GRB10: variants seen among roughly 807,000 people sequenced by gnomAD.
The protein encoded by GRB10 is growth factor receptor bound protein 10.
In GRB10, 20 loss-of-function variants were observed where a neutral mutation model predicts 80.9. That is an observed-to-expected ratio of 0.25 (90% CI 0.17 to 0.36). GRB10 has a LOEUF of 0.36. Ranked by LOEUF, GRB10 falls within the 10% of genes least tolerant of loss-of-function variation. GRB10 has a pLI of 1.00. For synonymous variants in GRB10, 291 were observed against 291.5 expected (o/e 1.00, Z 0.02); for missense variants, 548 against 747.7 (o/e 0.73, Z 3.12).
chr7:50,625,016 C>T (rs1166083514), intron 8 of GRB10, among the ~76,000 whole-genome samples: 1 of 152,046 alleles, frequency 6.6e-6, no homozygotes, highest in Non-Finnish European at 1.5e-5. Context: ...ATATCACAAC[C>T]CTACAAATCC....
chr7:50,746,975 T>C (rs1361237931), intron 3 of GRB10, among the ~76,000 whole-genome samples: 1 of 152,202 alleles, frequency 6.6e-6, no homozygotes, highest in Non-Finnish European at 1.5e-5. Flanking sequence ...CTCTTAAGCA[T>C]GTCCTCCTCT....
intron 4 of GRB10, among the ~76,000 whole-genome samples, chr7:50,716,324 C>A (rs1281520373): frequency 6.6e-6 from 1 of 152,158 alleles, no homozygotes; most frequent in Non-Finnish European, 1.5e-5. Context: ...TCAAAAGGGT[C>A]AAACTATTTC....
intron 2 of GRB10, among the ~76,000 whole-genome samples, chr7:50,762,208 C>T (rs2153705636): frequency 6.6e-6 from 1 of 151,526 alleles, no homozygotes; most frequent in African/African-American, 2.4e-5. Flanking sequence ...AACTACAAAC[C>T]CTCCCCAGCC....
chr7:50,704,751 C>G (rs922342086), intron 4 of GRB10, among the ~76,000 whole-genome samples: 1 of 152,222 alleles, frequency 6.6e-6, no homozygotes, highest in Non-Finnish European at 1.5e-5. Flanking sequence ...AACTGAAGCA[C>G]GTGAAACATC....
chr7:50,774,662 C>T (rs1470293368), intron 2 of GRB10, among the ~76,000 whole-genome samples: 1 of 152,138 alleles, frequency 6.6e-6, no homozygotes, highest in Non-Finnish European at 1.5e-5. Flanking sequence ...TAAGGAGACA[C>T]AAACATTCAA....
chr7:50,712,077 CACAAGGCTGA>C (rs1173677642), intron 4 of GRB10, among the ~76,000 whole-genome samples: 55 of 151,882 alleles, frequency 3.6e-4, no homozygotes, highest in Middle Eastern at 3.2e-3. Flanking sequence ...GCAGAAACTC[CACAAGGCTGA>C]AAAAGGCTGA....
chr7:50,724,218 A>G lies in GRB10; in HGVS notation c.51+8054T>C, dbSNP rs116277823. Among the ~76,000 whole-genome samples, 1,513 of 152,338 alleles carry G rather than the reference A, an allele frequency of 9.9e-3. 27 individuals are homozygous for G. Among genetic ancestry groups the G allele is most frequent in the African/African-American group, 0.034 (1,405 of 41,576 alleles). On this transcript the variant is annotated intron_variant, in intron 4 of 18. Coordinates refer to ENST00000401949, the MANE Select transcript of GRB10 (RefSeq NM_001350814.2). ...CAGAAAAACCACAGGCATGACTGTGATATCCTGAGATAGCCAAGACTAGTG... is the reference window on the plus strand; with the variant it reads ...CAGAAAAACCACAGGCATGACTGTGGTATCCTGAGATAGCCAAGACTAGTG...
intron 12 of GRB10, among the ~76,000 whole-genome samples, chr7:50,613,061 G>A (rs1472148982): frequency 1.3e-5 from 2 of 152,210 alleles, no homozygotes; most frequent in Admixed American, 1.3e-4. Flanking sequence ...CCCAGGTTGT[G>A]TACCACTTAG....
At chr7:50,685,956 C>G (rs1217820866) in intron 5 of GRB10, among the ~76,000 whole-genome samples, 1 of 152,128 alleles carries the variant, frequency 6.6e-6, no homozygotes, top group Non-Finnish European at 1.5e-5. Flanking sequence ...AGAGCTGTAA[C>G]CCTCAAACCG....
At chr7:50,600,876 C>T (rs936286691) in intron 17 of GRB10, among the ~76,000 whole-genome samples, 4 of 152,212 alleles carry the variant, frequency 2.6e-5, no homozygotes, top group Admixed American at 2.6e-4. Flanking sequence ...AGGCCCTGCC[C>T]TTCCACCCCA....
intron 2 of GRB10, among the ~76,000 whole-genome samples, chr7:50,778,471 T>C (rs1437895961): frequency 6.6e-6 from 1 of 152,224 alleles, no homozygotes; most frequent in Non-Finnish European, 1.5e-5. Flanking sequence ...ATGTCTTTGC[T>C]ATCCAAGGAA....
At chr7:50,710,927 C>T in intron 4 of GRB10, 4 of 1,612,078 alleles carry the variant, frequency 2.5e-6, no homozygotes, top group Non-Finnish European at 3.4e-6. Flanking sequence ...CTCTCTCCCT[C>T]TCTCTACAGT....
chr7:50,709,867 G>T (rs2065628970), intron 4 of GRB10, among the ~76,000 whole-genome samples: 1 of 152,016 alleles, frequency 6.6e-6, no homozygotes, highest in Non-Finnish European at 1.5e-5. Flanking sequence ...CCATGATGGG[G>T]GACCCAGGTG....
intron 7 of GRB10, among the ~76,000 whole-genome samples, chr7:50,639,811 C>T (rs1205828881): frequency 6.6e-6 from 1 of 152,114 alleles, no homozygotes; most frequent in African/African-American, 2.4e-5. Context: ...ACCAAGTAGA[C>T]AGGCTTATTT....
intron 5 of GRB10, among the ~76,000 whole-genome samples, chr7:50,696,263 C>T (rs2063404927): frequency 6.6e-6 from 1 of 152,206 alleles, no homozygotes; most frequent in Non-Finnish European, 1.5e-5. Flanking sequence ...AGCAAACCGC[C>T]TTCCAGAATT....
At chr7:50,783,078 A>G (rs1193445668), upstream of GRB10, among the ~76,000 whole-genome samples, 2 of 152,204 alleles carry the variant, frequency 1.3e-5, no homozygotes, top group African/African-American at 2.4e-5. Context: ...GGCCACTCTG[A>G]CGATGCCGAA....
chr7:50,760,645 T>TAGTGTGTGCCA (rs1196494632), intron 2 of GRB10, among the ~76,000 whole-genome samples: 10 of 152,212 alleles, frequency 6.6e-5, no homozygotes, highest in Admixed American at 5.9e-4. Context: ...GTAGTTAAAA[T>TAGTGTGTGCCA]AGTGTGTACT....
At position 50,645,300 on chromosome 7, in the gene GRB10, A is replaced by G. The variant is rs142836923; in HGVS notation, c.505-18322T>C. On this transcript the variant is annotated intron_variant, in intron 7 of 18. Transcript: ENST00000401949. ...TGGAAAGGCAAAACAGAAACTATGG[A>G]GATTTCTTTGAAAAAGCAGAACACA... 5.8e-3 allele frequency among the ~76,000 whole-genome samples: 890 copies of G among 152,336 alleles called. 10 individuals are homozygous for G. The highest frequency in any genetic ancestry group is 0.019 in the African/African-American group (806 of 41,556).
At chr7:50,752,360 C>T (rs2074255431) in intron 3 of GRB10, among the ~76,000 whole-genome samples, 2 of 152,148 alleles carry the variant, frequency 1.3e-5, no homozygotes, top group African/African-American at 4.8e-5. Flanking sequence ...TTTCTCTTTC[C>T]TACGGGAAAG....
Sources: allele counts gnomAD v4.1 joint callset (sites outside exome capture counted in the v4.1 genomes callset), GRCh38; gene constraint gnomAD v4.1.1; transcripts MANE v1.5; gene names NCBI Gene and HGNC (gene_info 2026-07-23, HGNC 2026-07-21).